MTMR7: variants seen among roughly 807,000 people sequenced by gnomAD.
The protein encoded by MTMR7 is phosphatidylinositol-3-phosphate phosphatase MTMR7.
Under a neutral mutation model 81.2 loss-of-function variants are expected in MTMR7, and 76 were observed. The ratio of observed to expected loss-of-function variants is 0.94; its 90% CI spans 0.78 to 1.13. The LOEUF (loss-of-function observed/expected upper bound fraction) is 1.13. Ranked by LOEUF, MTMR7 falls within the 50% of genes most tolerant of loss-of-function variation. The pLI is 0.00. For synonymous variants in MTMR7, 372 were observed against 289.8 expected (o/e 1.28, Z -2.88); for missense variants, 1,044 against 820.0 (o/e 1.27, Z -3.34).
chr8:17,395,332 G>C (rs1209541895), intron 1 of MTMR7, among the ~76,000 whole-genome samples: 1 of 152,068 alleles, frequency 6.6e-6, no homozygotes, highest in East Asian at 1.9e-4. Context: ...ATGGACTCTT[G>C]GATTGTTCCC....
intron 3 of MTMR7, among the ~76,000 whole-genome samples, chr8:17,366,986 C>T (rs950574313): frequency 7.2e-6 from 1 of 138,086 alleles, no homozygotes; most frequent in Non-Finnish European, 1.5e-5. Context: ...ATGAGGGTGC[C>T]TCACCTTATC....
At chr8:17,366,743 G>A (rs537187410) in intron 3 of MTMR7, among the ~76,000 whole-genome samples, 8 of 152,052 alleles carry the variant, frequency 5.3e-5, no homozygotes, top group African/African-American at 1.2e-4. Flanking sequence ...AAAATTAACC[G>A]GGCGTGGTGG....
chr8:17,383,105 G>A (rs1820813746), intron 1 of MTMR7, among the ~76,000 whole-genome samples: 1 of 151,964 alleles, frequency 6.6e-6, no homozygotes, highest in Non-Finnish European at 1.5e-5. Context: ...AAGGTCCCAG[G>A]GAAGGGAGCC....
chr8:17,378,048 C>A (rs970740031), intron 1 of MTMR7, among the ~76,000 whole-genome samples: 1 of 152,098 alleles, frequency 6.6e-6, no homozygotes, highest in East Asian at 1.9e-4. Context: ...TAGAAAAGCT[C>A]AGTGGAGCAG....
intron 4 of MTMR7, among the ~76,000 whole-genome samples, chr8:17,354,499 A>G (rs1819826728): frequency 6.6e-6 from 1 of 152,336 alleles, no homozygotes; most frequent in East Asian, 1.9e-4. Context: ...AGTGTCTTAT[A>G]AATAGCGATG....
chr8:17,300,040 G>T lies in MTMR7; in HGVS notation c.1805C>A (p.Ala602Asp). ...CAGATTGTCTTGGGTTAGAATCAGA[G>T]CAGAATCTTCATCGCCTTGTGAAGG... The part of the protein sequence containing the change: ...RSPSQGDEDS[A>D]LILTQDNLKS... Residue 602 changes from alanine to aspartate, a missense_variant, in exon 14 of 14, where the codon GCT (alanine) becomes GAT (aspartate). Ala to Asp is a moderately radical substitution (Grantham distance 126). Transcript: ENST00000180173. 6.2e-7 allele frequency: 1 copy of T among 1,614,128 alleles called. No homozygotes were observed. Among genetic ancestry groups the T allele is most frequent in the South Asian group, 1.1e-5 (1 of 91,082 alleles).
chr8:17,347,357 T>C (rs971199989), intron 5 of MTMR7, among the ~76,000 whole-genome samples: 44 of 152,174 alleles, frequency 2.9e-4, no homozygotes, highest in Non-Finnish European at 2.9e-4. Context: ...TTTTATCCAA[T>C]TCACAGAACT....
intron 8 of MTMR7, among the ~76,000 whole-genome samples, chr8:17,312,926 T>G (rs778931876): frequency 1.6e-4 from 25 of 152,222 alleles, no homozygotes; most frequent in Admixed American, 1.1e-3. Flanking sequence ...ACATGACTTT[T>G]GCTTATGCCA....
At chr8:17,369,648 T>A (rs1024669153) in intron 3 of MTMR7, among the ~76,000 whole-genome samples, 3 of 128,958 alleles carry the variant, frequency 2.3e-5, no homozygotes, top group Non-Finnish European at 3.4e-5. Context: ...TTTCTTTTTT[T>A]TTTTTTTTTT....
At chr8:17,331,075 C>G in intron 7 of MTMR7, 75 bp downstream of exon 7, 1 of 1,506,830 alleles carries the variant, frequency 6.6e-7, no homozygotes, top group Non-Finnish European at 8.9e-7. Flanking sequence ...ATTTTAAAAT[C>G]AAGACTATCT....
Position 17,297,285 on chromosome 8 carries a change from T to G in MTMR7, c.*2577A>C, listed in dbSNP as rs1460728411. ...AGAAAATTCTAAATCAATCAATCAG[T>G]GAGATATAAACTAAACAGACCCACT... On this transcript the variant is annotated 3_prime_UTR_variant, in exon 14 of 14. Coordinates refer to ENST00000180173, the MANE Select transcript of MTMR7 (RefSeq NM_004686.5). 1.3e-5 allele frequency: 2 copies of G among 152,070 alleles called. No homozygotes were observed. The highest frequency in any genetic ancestry group is 2.4e-5 in the African/African-American group (1 of 41,438). The allele number at this position is 152,070 out of a possible 1,614,324, so 9.4% of individuals were successfully genotyped here.
At chr8:17,352,553 A>T (rs1194220984) in intron 4 of MTMR7, among the ~76,000 whole-genome samples, 2 of 152,176 alleles carry the variant, frequency 1.3e-5, no homozygotes, top group African/African-American at 4.8e-5. Context: ...CTGATTTATT[A>T]TGTATGACAG....
chr8:17,353,977 C>T (rs1257458987), intron 4 of MTMR7, among the ~76,000 whole-genome samples: 1 of 152,194 alleles, frequency 6.6e-6, no homozygotes, highest in Non-Finnish European at 1.5e-5. Flanking sequence ...GAAGATTTCA[C>T]ACTCCCAGGA....
intron 12 of MTMR7, among the ~76,000 whole-genome samples, chr8:17,303,856 C>T (rs553442277): frequency 1.1e-4 from 17 of 152,110 alleles, no homozygotes; most frequent in Admixed American, 1.3e-4. Flanking sequence ...GTGATCCACC[C>T]GCCTCGGCTA....
At chr8:17,306,118 C>G (rs772262603) in intron 10 of MTMR7, among the ~76,000 whole-genome samples, 161 bp from the exon 11 acceptor site, 29 of 152,158 alleles carry the variant, frequency 1.9e-4, no homozygotes, top group Non-Finnish European at 3.7e-4. Flanking sequence ...ATTTTAAATT[C>G]AAATTTCCAG....
At chr8:17,406,718 A>C (rs551613771) in intron 1 of MTMR7, among the ~76,000 whole-genome samples, 1 of 152,332 alleles carries the variant, frequency 6.6e-6, no homozygotes, top group Non-Finnish European at 1.5e-5. Flanking sequence ...CATTATTCAT[A>C]ATTGCCAAAA....
intron 4 of MTMR7, chr8:17,349,316 C>T (rs968219637): frequency 2.8e-5 from 11 of 398,026 alleles, no homozygotes; most frequent in African/African-American, 2.2e-4. Flanking sequence ...TCCCCGTGCA[C>T]TGTCCCCTCT....
chr8:17,301,817 A>C lies in MTMR7; in HGVS notation c.1620+337T>G, dbSNP rs1261023880. 4 of 349,002 alleles carry C rather than the reference A, an allele frequency of 1.1e-5. No individual in the cohort carries two copies. The South Asian group carries it at 3.3e-4, about 28-fold the overall frequency. 21.6% of individuals were successfully genotyped at this position (349,002 alleles called of 1,614,324 possible). ...AGTGGGGAAAGAGTTTTACAAGTAC[A>C]TATATTTGATTTTATTCTGTTACTT... On this transcript the variant is annotated intron_variant, in intron 13 of 13. Transcript: ENST00000180173.
intron 7 of MTMR7, among the ~76,000 whole-genome samples, chr8:17,318,344 G>A (rs754756443): frequency 4.6e-5 from 7 of 152,066 alleles, no homozygotes; most frequent in Non-Finnish European, 8.8e-5. Context: ...AGAAAAAGCT[G>A]GGCTGAAGAC....
Sources: allele counts gnomAD v4.1 joint callset (sites outside exome capture counted in the v4.1 genomes callset), GRCh38; gene constraint gnomAD v4.1.1; transcripts MANE v1.5; gene names NCBI Gene and HGNC (gene_info 2026-07-23, HGNC 2026-07-21).